The following ANKRD31 variants were observed in gnomAD, a reference collection of about 807,000 sequenced individuals.
The protein encoded by ANKRD31 is ankyrin repeat domain 31.
A neutral mutation model predicts 186.0 loss-of-function variants in ANKRD31; 147 were observed. The observed-to-expected ratio is 0.79, with a 90% CI of 0.69 to 0.91. The LOEUF is 0.91. Among genes scored for constraint, ANKRD31 ranks in the 40% least tolerant of loss-of-function variants. The pLI is 0.00. For synonymous variants in ANKRD31, 673 were observed against 736.4 expected (o/e 0.91, Z 1.39); for missense variants, 1,986 against 2,148.8 (o/e 0.92, Z 1.50).
At chr5:75,071,288 A>G (rs1744203945) in intron 25 of ANKRD31, among the ~76,000 whole-genome samples, 1 of 148,394 alleles carries the variant, frequency 6.7e-6, no homozygotes, top group Non-Finnish European at 1.5e-5. Flanking sequence ...ATAATATTTA[A>G]TATTTTAATA....
chr5:75,126,154 T>C (rs1349788182), intron 17 of ANKRD31, among the ~76,000 whole-genome samples: 1 of 152,238 alleles, frequency 6.6e-6, no homozygotes, highest in Non-Finnish European at 1.5e-5. Flanking sequence ...ACCCATATTG[T>C]TGTGTATATC....
At position 75,104,671 on chromosome 5, in the gene ANKRD31, G is replaced by A. The variant is rs1214815000; in HGVS notation, c.4888C>T (p.His1630Tyr). ...NDLTEATDKD[H>Y]EFYVSSPVIG... ...ACTGGGGAAGAAACATAGAATTCAT[G>A]GTCTTTGTCTGTAGCTTCTGTAAGA... Residue 1630 changes from histidine (H) to tyrosine (Y), a missense_variant, in exon 22 of 26, where the codon CAT becomes TAT. Physicochemically the swap from His to Tyr is moderately conservative, Grantham distance 83. Transcript: ENST00000506364. 1 of 1,535,344 alleles carries A rather than the reference G, an allele frequency of 6.5e-7. No individual in the cohort carries two copies. The highest frequency in any genetic ancestry group is 2.0e-5 in the Admixed American group (1 of 50,684).
At chr5:75,119,471 T>C (rs1375928259) in intron 17 of ANKRD31, among the ~76,000 whole-genome samples, 1 of 152,260 alleles carries the variant, frequency 6.6e-6, no homozygotes, top group African/African-American at 2.4e-5. Context: ...GGTATATGTG[T>C]ACCACATCTT....
chr5:75,222,433 T>A (rs1757361336), intron 2 of ANKRD31, 75 bp from the exon 3 acceptor site: 22 of 1,006,204 alleles, frequency 2.2e-5, no homozygotes, highest in Non-Finnish European at 3.2e-5. Flanking sequence ...AATAATTTTA[T>A]ACGCATGCAA....
At position 75,105,015 on chromosome 5, in the gene ANKRD31, C is replaced by T; in HGVS notation, c.4544G>A (p.Ser1515Asn). Residue 1515 changes from serine (S) to asparagine (N), a missense_variant, in exon 22 of 26, where the codon AGC (serine) becomes AAC (asparagine). By Grantham distance (46) the Ser-to-Asn change is conservative. Transcript: ENST00000506364. ...ATTTTCCAGACTAGTGAGCTCTTGG[C>T]TGTCTTTTTCACTAGAGATTTCTGA... ...PRSEISSEKD[S>N]QELTSLENLE... is the part of the protein sequence containing the mutation. 1.3e-6 allele frequency: 2 copies of T among 1,536,820 alleles called. No homozygotes were observed. Among genetic ancestry groups the T allele is most frequent in the Non-Finnish European group, 1.7e-6 (2 of 1,146,804 alleles).
Position 75,206,350 on chromosome 5 carries a change from A to C in ANKRD31, c.403+61T>G, listed in dbSNP as rs13175400. 2,115 of 828,004 alleles carry C rather than the reference A, an allele frequency of 2.6e-3. 7 individuals carry two copies. The highest frequency in any genetic ancestry group is 5.2e-3 in the Middle Eastern group (13 of 2,486). 51.3% of individuals were successfully genotyped at this position (828,004 alleles called of 1,614,324 possible). On this transcript the variant is annotated intron_variant, in intron 5 of 25. Coordinates refer to ENST00000506364, the MANE Select transcript of ANKRD31 (RefSeq NM_001372053.1). ...GTTGTAAATAAATGTATATCTAACT[A>C]AGTCTTCTATTTTTAGGCAAAGACT...
At chr5:75,117,767 T>C (rs1182308008) in intron 18 of ANKRD31, among the ~76,000 whole-genome samples, 1 of 152,190 alleles carries the variant, frequency 6.6e-6, no homozygotes, top group African/African-American at 2.4e-5. Context: ...ATATATGTTA[T>C]ATTCCTCTTA....
intron 25 of ANKRD31, among the ~76,000 whole-genome samples, chr5:75,072,016 GT>G (rs1176348515): frequency 6.6e-6 from 1 of 152,146 alleles, no homozygotes; most frequent in Non-Finnish European, 1.5e-5. Flanking sequence ...ACATTATCCT[GT>G]TGTGAATCCA....
chr5:75,134,838 C>T (rs256468), intron 17 of ANKRD31, among the ~76,000 whole-genome samples: 1 of 152,118 alleles, frequency 6.6e-6, no homozygotes, highest in South Asian at 2.1e-4. Flanking sequence ...TGGGCTTCAT[C>T]CCTGGGATAC....
chr5:75,090,470 A>G (rs1745842445), intron 23 of ANKRD31, among the ~76,000 whole-genome samples: 1 of 152,198 alleles, frequency 6.6e-6, no homozygotes, highest in Non-Finnish European at 1.5e-5. Context: ...GACCTGGGTT[A>G]AACAAAAAAG....
chr5:75,109,847 T>C (rs1180103257), intron 20 of ANKRD31, among the ~76,000 whole-genome samples: 1 of 151,604 alleles, frequency 6.6e-6, no homozygotes, highest in Non-Finnish European at 1.5e-5. Flanking sequence ...AAATAGAAGC[T>C]GAGAGAAGAC....
At chr5:75,078,157 T>C (rs1051924861) in intron 25 of ANKRD31, among the ~76,000 whole-genome samples, 2 of 151,940 alleles carry the variant, frequency 1.3e-5, no homozygotes, top group African/African-American at 4.8e-5. Context: ...TGAAAAAGAA[T>C]CGAGAGTGGT....
chr5:75,136,876 A>C (rs1286634690), intron 17 of ANKRD31, among the ~76,000 whole-genome samples: 1 of 152,170 alleles, frequency 6.6e-6, no homozygotes, highest in African/African-American at 2.4e-5. Context: ...GACATGGATG[A>C]ATCTGGAAAC....
chr5:75,098,392 T>C (rs1422261491), intron 22 of ANKRD31, among the ~76,000 whole-genome samples: 6 of 152,212 alleles, frequency 3.9e-5, no homozygotes, highest in Non-Finnish European at 8.8e-5. Flanking sequence ...TCTTTTGGCT[T>C]AGGATTGTCT....
chr5:75,180,113 T>C (rs1238774005), intron 10 of ANKRD31, among the ~76,000 whole-genome samples: 1 of 152,172 alleles, frequency 6.6e-6, no homozygotes, highest in East Asian at 1.9e-4. Flanking sequence ...AGCCAAATCA[T>C]GAGTGAACTC....
At chr5:75,142,246 T>A (rs925188160) in intron 15 of ANKRD31, among the ~76,000 whole-genome samples, 1 of 152,156 alleles carries the variant, frequency 6.6e-6, no homozygotes, top group Admixed American at 6.5e-5. Flanking sequence ...GAAATGCCTA[T>A]CTCATTTCTT....
In ANKRD31 at chr5:75,186,718, G is replaced by T. The variant is rs923543553; in HGVS notation, c.1564+1775C>A. Among the ~76,000 whole-genome samples the T allele has an allele frequency of 7.2e-5, 11 of 152,114 alleles. No homozygotes were observed. In the East Asian group the frequency reaches 2.1e-3, roughly 29 times the overall value. Reference sequence around the variant, plus strand: ...GCTCTTTCTGAGCTCCCTGCAATTTGTTTTTTAATCAAAGACAAAAATATC... The same window carrying T: ...GCTCTTTCTGAGCTCCCTGCAATTTTTTTTTTAATCAAAGACAAAAATATC... On this transcript the variant is annotated intron_variant, in intron 10 of 25. Coordinates refer to ENST00000506364, the MANE Select transcript of ANKRD31 (RefSeq NM_001372053.1).
At chr5:75,176,964 C>A (rs568111152) in intron 10 of ANKRD31, among the ~76,000 whole-genome samples, 220 of 152,032 alleles carry the variant, frequency 1.4e-3, no homozygotes, top group Non-Finnish European at 2.5e-3. Context: ...AAACCAATGG[C>A]AAAGAAGTTA....
At chr5:75,233,736 T>C (rs1317883236) in intron 1 of ANKRD31, among the ~76,000 whole-genome samples, 1 of 151,948 alleles carries the variant, frequency 6.6e-6, no homozygotes, top group East Asian at 1.9e-4. Context: ...GCCATCATGG[T>C]GAAACCCCAT....
Sources: gnomAD v4.1 joint callset for allele counts (sites outside exome capture counted in the v4.1 genomes callset) on GRCh38, gnomAD v4.1.1 for gene constraint, MANE v1.5 for transcripts, NCBI Gene and HGNC (gene_info 2026-07-23, HGNC 2026-07-21) for gene names.